ROBO2: variants seen among roughly 807,000 people sequenced by gnomAD.
The protein encoded by ROBO2 is roundabout homolog 2.
A neutral mutation model predicts 160.8 loss-of-function variants in ROBO2; 53 were observed. The ratio of observed to expected loss-of-function variants is 0.33; its 90% CI spans 0.26 to 0.41. The LOEUF (loss-of-function observed/expected upper bound fraction) is 0.41, where lower values mean the gene tolerates loss of function less well. Among genes scored for constraint, ROBO2 ranks in the 10% least tolerant of loss-of-function variants. ROBO2 has a pLI of 1.00. For synonymous variants in ROBO2, 664 were observed against 611.7 expected (o/e 1.09, Z -1.26); for missense variants, 1,577 against 1,722.4 (o/e 0.92, Z 1.49).
intron 2 of ROBO2, among the ~76,000 whole-genome samples, chr3:76,882,784 G>A (rs778714829): frequency 6.6e-6 from 1 of 151,994 alleles, no homozygotes; most frequent in African/African-American, 2.4e-5. Context: ...ATTCTTGTAC[G>A]TTTGTACTAG....
intron 2 of ROBO2, among the ~76,000 whole-genome samples, chr3:77,352,978 T>C (rs2068557586): frequency 6.6e-6 from 1 of 152,246 alleles, no homozygotes; most frequent in African/African-American, 2.4e-5. Context: ...TTATTGGTCA[T>C]GTGCTACCTG....
At chr3:76,955,885 C>T (rs1165175202) in intron 2 of ROBO2, among the ~76,000 whole-genome samples, 102 of 118,468 alleles carry the variant, frequency 8.6e-4, no homozygotes, top group Admixed American at 4.3e-4. Context: ...AGTGAGACTC[C>T]GTCAAAAAAA....
intron 2 of ROBO2, among the ~76,000 whole-genome samples, chr3:77,336,755 G>A (rs922703785): frequency 2.6e-5 from 4 of 152,164 alleles, no homozygotes; most frequent in African/African-American, 9.7e-5. Context: ...CCACACCAAC[G>A]CCTGACACCA....
At chr3:77,432,154 T>C (rs1194497366) in intron 2 of ROBO2, among the ~76,000 whole-genome samples, 3 of 152,170 alleles carry the variant, frequency 2.0e-5, no homozygotes, top group Admixed American at 1.3e-4. Context: ...TTAATAAACA[T>C]AGTAAGAATA....
intron 2 of ROBO2, among the ~76,000 whole-genome samples, chr3:76,855,997 G>C (rs1291152396): frequency 6.6e-6 from 1 of 152,200 alleles, no homozygotes; most frequent in Non-Finnish European, 1.5e-5. Context: ...AATATATGGA[G>C]CTGGTTCTAT....
intron 2 of ROBO2, among the ~76,000 whole-genome samples, chr3:76,926,607 T>C (rs1453542094): frequency 6.6e-6 from 1 of 152,238 alleles, no homozygotes; most frequent in Non-Finnish European, 1.5e-5. Context: ...TTGACAAACT[T>C]ACCAGATTTA....
intron 2 of ROBO2, among the ~76,000 whole-genome samples, chr3:76,409,792 A>G (rs1377874204): frequency 6.6e-6 from 1 of 152,106 alleles, no homozygotes; most frequent in African/African-American, 2.4e-5. Flanking sequence ...CAACAAAAAA[A>G]TTGGCACAGT....
chr3:77,143,741 A>C (rs1200970476), intron 2 of ROBO2, among the ~76,000 whole-genome samples: 3 of 152,022 alleles, frequency 2.0e-5, no homozygotes, highest in African/African-American at 7.2e-5. Context: ...ATTTTTGCTA[A>C]ATTTTTTGAT....
rs563824020 is a variant in ROBO2 at position 76,234,366 on chromosome 3, G to A, written c.109+296764G>A. On this transcript the variant is annotated intron_variant, in intron 2 of 26. Transcript: ENST00000487694. ...TGGGAATTCTGTTTAGATTCTTTGA[G>A]GAATCTCTAAACTGCTTTCCACAAT... is the stretch of plus-strand genomic sequence containing the variant. Among the ~76,000 whole-genome samples the A allele has an allele frequency of 4.6e-5, 7 of 152,240 alleles. No individual in the cohort carries two copies. The East Asian group carries it at 1.4e-3, about 29-fold the overall frequency.
intron 2 of ROBO2, among the ~76,000 whole-genome samples, chr3:76,145,106 GA>G (rs759970993): frequency 1.3e-3 from 155 of 116,454 alleles, no homozygotes; most frequent in East Asian, 6.2e-3. Flanking sequence ...GTAAAGAAGA[GA>G]AAAAAAAAAC....
At chr3:77,055,905 AAGT>A (rs1248175236) in intron 1 of ROBO2, among the ~76,000 whole-genome samples, 15 of 152,228 alleles carry the variant, frequency 9.9e-5, no homozygotes, top group Admixed American at 9.8e-4. Context: ...GTAACTTTTT[AAGT>A]AGTTGTGAAA....
intron 23 of ROBO2, among the ~76,000 whole-genome samples, chr3:77,625,981 C>T (rs2095015408): frequency 6.6e-6 from 1 of 152,014 alleles, no homozygotes; most frequent in Non-Finnish European, 1.5e-5. Flanking sequence ...AAGCCTTTGT[C>T]CAGGTTACCC....
chr3:77,569,176 A>G (rs1313361988), intron 13 of ROBO2, among the ~76,000 whole-genome samples: 1 of 152,018 alleles, frequency 6.6e-6, no homozygotes, highest in African/African-American at 2.4e-5. Context: ...AAACCTACAA[A>G]TTGTTCAGTA....
At chr3:76,358,904 T>C (rs1297249288) in intron 2 of ROBO2, among the ~76,000 whole-genome samples, 1 of 149,284 alleles carries the variant, frequency 6.7e-6, no homozygotes, top group Non-Finnish European at 1.5e-5. Flanking sequence ...GTATATCTCC[T>C]AATGCTATCC....
chr3:76,875,625 A>G (rs1053595109), intron 2 of ROBO2, among the ~76,000 whole-genome samples: 10 of 151,918 alleles, frequency 6.6e-5, no homozygotes, highest in Admixed American at 3.3e-4. Flanking sequence ...GAACTCTATC[A>G]TACTTCCTTT....
At chr3:77,385,281 G>A (rs1490063161) in intron 2 of ROBO2, among the ~76,000 whole-genome samples, 2 of 152,078 alleles carry the variant, frequency 1.3e-5, no homozygotes, top group African/African-American at 4.8e-5. Flanking sequence ...CGCCCACCTC[G>A]GCTTCCCAAA....
intron 2 of ROBO2, among the ~76,000 whole-genome samples, chr3:76,353,966 G>A (rs563144888): frequency 4.6e-5 from 7 of 151,882 alleles, no homozygotes; most frequent in South Asian, 2.1e-4. Flanking sequence ...TATTACAGTC[G>A]GAGACGAAGA....
intron 2 of ROBO2, among the ~76,000 whole-genome samples, chr3:76,275,059 C>T (rs1366133837): frequency 2.0e-5 from 3 of 152,064 alleles, no homozygotes; most frequent in African/African-American, 4.8e-5. Flanking sequence ...TGCCCCAACT[C>T]ACCACATTTT....
chr3:77,199,564 T>G lies in ROBO2; in HGVS notation c.388+101224T>G, dbSNP rs200250507. Among the ~76,000 whole-genome samples, 3 of 152,192 alleles carry G rather than the reference T, an allele frequency of 2.0e-5. No individual in the cohort carries two copies. In the East Asian group the frequency reaches 5.8e-4, roughly 29 times the overall value. On this transcript the variant is annotated intron_variant, in intron 2 of 25. Coordinates refer to ENST00000461745, the Ensembl canonical transcript of ROBO2. ...TCTTGTTCTTTAGCTGATTCATCTA[T>G]TCATAGCGGACACTCAGTGACTGAG...
Sources: gnomAD v4.1 joint callset for allele counts (sites outside exome capture counted in the v4.1 genomes callset) on GRCh38, gnomAD v4.1.1 for gene constraint, MANE v1.5 for transcripts, NCBI Gene and HGNC (gene_info 2026-07-23, HGNC 2026-07-21) for gene names.